Variants in MPP7 observed in about 807,000 individuals in gnomAD.
The protein encoded by MPP7 is MAGUK p55 subfamily member 7.
Under a neutral mutation model 76.5 loss-of-function variants are expected in MPP7, and 60 were observed. The ratio of observed to expected loss-of-function variants is 0.78; its 90% CI spans 0.64 to 0.97. The LOEUF (loss-of-function observed/expected upper bound fraction) is 0.97. Ranked by LOEUF, MPP7 falls within the 50% of genes least tolerant of loss-of-function variation. The probability of loss-of-function intolerance (pLI) is 0.00; values close to 1 mark genes in which losing one functional copy is unlikely to be tolerated. For synonymous variants in MPP7, 237 were observed against 244.5 expected (o/e 0.97, Z 0.29); for missense variants, 641 against 694.0 (o/e 0.92, Z 0.86).
At chr10:28,295,136 A>G (rs1047476074) in intron 1 of MPP7, among the ~76,000 whole-genome samples, 2 of 152,240 alleles carry the variant, frequency 1.3e-5, no homozygotes, top group African/African-American at 4.8e-5. Context: ...AAGGTATGCT[A>G]AAGTTTGAGA....
At chr10:28,122,379 A>G (rs1165831998) in intron 8 of MPP7, among the ~76,000 whole-genome samples, 1 of 152,230 alleles carries the variant, frequency 6.6e-6, no homozygotes, top group African/African-American at 2.4e-5. Flanking sequence ...TAGTTTCCGA[A>G]TATTTTTGAA....
At chr10:28,154,286 T>TA in intron 3 of MPP7, among the ~76,000 whole-genome samples, 1 of 152,310 alleles carries the variant, frequency 6.6e-6, no homozygotes, top group Middle Eastern at 3.4e-3. Flanking sequence ...TCCCACTCAC[T>TA]AACAAAGTAG....
chr10:28,255,205 C>T (rs954352212), intron 1 of MPP7, among the ~76,000 whole-genome samples: 1 of 152,082 alleles, frequency 6.6e-6, no homozygotes, highest in Non-Finnish European at 1.5e-5. Context: ...CCTCTGCCTC[C>T]CAGGTTCAAG....
intron 2 of MPP7, among the ~76,000 whole-genome samples, chr10:28,212,579 A>G (rs1388408984): frequency 6.6e-6 from 1 of 152,180 alleles, no homozygotes; most frequent in Non-Finnish European, 1.5e-5. Flanking sequence ...ACTTAAAGCC[A>G]TGAGGTAAAA....
intron 11 of MPP7, among the ~76,000 whole-genome samples, chr10:28,095,480 C>T (rs926374436): frequency 6.6e-6 from 1 of 152,090 alleles, no homozygotes; most frequent in Non-Finnish European, 1.5e-5. Context: ...CAAGGCAGTA[C>T]AGAGGCTGTA....
intron 11 of MPP7, among the ~76,000 whole-genome samples, chr10:28,105,654 TGC>T (rs1834299793): frequency 6.6e-6 from 1 of 152,116 alleles, no homozygotes; most frequent in Admixed American, 6.6e-5. Context: ...ATTACAGGTG[TGC>T]GCCACTATGC....
chr10:28,295,914 A>G (rs1183199168), intron 1 of MPP7, among the ~76,000 whole-genome samples: 1 of 152,232 alleles, frequency 6.6e-6, no homozygotes, highest in Non-Finnish European at 1.5e-5. Flanking sequence ...GATGGAAGAA[A>G]GAGTATGAGA....
chr10:28,236,015 T>C (rs1321541665), intron 2 of MPP7, among the ~76,000 whole-genome samples: 1 of 152,196 alleles, frequency 6.6e-6, no homozygotes, highest in Non-Finnish European at 1.5e-5. Flanking sequence ...ACGCTAGCTA[T>C]CACTAGTAAC....
chr10:28,093,709 A>AGTGCTGGGATTACAGGCAT, intron 11 of MPP7, among the ~76,000 whole-genome samples: 1 of 152,238 alleles, frequency 6.6e-6, no homozygotes, highest in African/African-American at 2.4e-5. Context: ...GGCCTCCCAA[A>AGTGCTGGGATTACAGGCAT]GTGCTGGGAT....
At chr10:28,308,259 A>G (rs753091323) in intron 2 of MPP7, among the ~76,000 whole-genome samples, 18 of 152,126 alleles carry the variant, frequency 1.2e-4, no homozygotes, top group Non-Finnish European at 2.4e-4. Flanking sequence ...CTGTGTGCAG[A>G]CTGGTCTTCA....
chr10:28,248,345 T>C (rs1286928292), intron 1 of MPP7, among the ~76,000 whole-genome samples: 1 of 152,144 alleles, frequency 6.6e-6, no homozygotes, highest in Non-Finnish European at 1.5e-5. Flanking sequence ...AGCCACTTCC[T>C]ATTCATACAC....
intron 11 of MPP7, among the ~76,000 whole-genome samples, chr10:28,111,675 A>G (rs11006877): frequency 0.11 from 17,469 of 152,240 alleles, 1,670 homozygotes; most frequent in East Asian, 0.51. Context: ...ATACATATCA[A>G]ATGAGTTATG....
intron 11 of MPP7, among the ~76,000 whole-genome samples, chr10:28,101,391 G>A (rs1853817962): frequency 6.6e-6 from 1 of 152,118 alleles, no homozygotes; most frequent in South Asian, 2.1e-4. Context: ...ACTTGTTGAA[G>A]ATCAGTGTTG....
Position 28,150,504 on chromosome 10 carries a change from G to A in MPP7, c.157-445C>T, listed in dbSNP as rs75989872. 6.3e-3 allele frequency among the ~76,000 whole-genome samples: 955 copies of A among 152,302 alleles called. 14 individuals are homozygous for A. The highest frequency in any genetic ancestry group is 0.021 in the African/African-American group (876 of 41,576). On this transcript the variant is annotated intron_variant, in intron 3 of 16. Coordinates refer to ENST00000683449, the MANE Select transcript of MPP7 (RefSeq NM_001318170.2). The stretch of plus-strand genomic sequence containing the variant: ...ACTGTCAGCCACATTTTGGCAGGTT[G>A]GTATGGAATCACTGTCAAGAGGGAA...
At chr10:28,057,605 CTTTT>C (rs59550501) in intron 15 of MPP7, 13 of 122,594 alleles carry the variant, frequency 1.1e-4, no homozygotes, top group Admixed American at 7.8e-4. Context: ...AATTAAACCT[CTTTT>C]TTTTTTTTTT....
chr10:28,288,604 G>A (rs192543403), intron 1 of MPP7, among the ~76,000 whole-genome samples: 55 of 152,162 alleles, frequency 3.6e-4, no homozygotes, highest in African/African-American at 1.3e-3. Context: ...TTCTAATATG[G>A]TAAACATTGA....
At chr10:28,170,099 T>C (rs1836629270) in intron 3 of MPP7, among the ~76,000 whole-genome samples, 1 of 152,178 alleles carries the variant, frequency 6.6e-6, no homozygotes. Flanking sequence ...CCCATCCTAT[T>C]ATCTAAGAGT....
At chr10:28,138,249 G>A (rs1835409602) in intron 5 of MPP7, among the ~76,000 whole-genome samples, 1 of 152,066 alleles carries the variant, frequency 6.6e-6, no homozygotes, top group African/African-American at 2.4e-5. Context: ...CCTTTAATGT[G>A]GCAATTTGAT....
At chr10:28,239,393 C>T (rs1465139587) in intron 1 of MPP7, among the ~76,000 whole-genome samples, 1 of 151,912 alleles carries the variant, frequency 6.6e-6, no homozygotes, top group African/African-American at 2.4e-5. Flanking sequence ...GTCATATGCC[C>T]GCCTTGGCCT....
Sources: allele counts gnomAD v4.1 joint callset (sites outside exome capture counted in the v4.1 genomes callset), GRCh38; gene constraint gnomAD v4.1.1; transcripts MANE v1.5; gene names NCBI Gene and HGNC (gene_info 2026-07-23, HGNC 2026-07-21).